GAK: variants seen among roughly 807,000 people sequenced by gnomAD.
The protein encoded by GAK is cyclin-G-associated kinase.
GAK carries 79 observed loss-of-function variants against 143.9 expected under a neutral mutation model. That is an observed-to-expected ratio of 0.55 (90% confidence interval 0.46 to 0.66). The LOEUF is 0.66. Ranked by LOEUF, GAK falls within the 30% of genes least tolerant of loss-of-function variation. GAK has a pLI of 0.00. For synonymous variants in GAK, 881 were observed against 765.5 expected, an observed-to-expected ratio of 1.15 and a Z score of -2.49; for missense variants, 1,693 against 1,779.7, an observed-to-expected ratio of 0.95 and a Z score of 0.88.
intron 5 of GAK, among the ~76,000 whole-genome samples, chr4:901,693 C>T (rs1719898125): frequency 6.6e-6 from 1 of 152,232 alleles, no homozygotes; most frequent in African/African-American, 2.4e-5. Flanking sequence ...AACACAGCTC[C>T]GTGCTCCACA....
intron 1 of GAK, among the ~76,000 whole-genome samples, chr4:924,276 G>A (rs1400175619): frequency 1.3e-5 from 2 of 151,700 alleles, no homozygotes; most frequent in African/African-American, 2.4e-5. Context: ...AAGAATGGAT[G>A]TAATCAAAAT....
At chr4:851,532 C>G (rs958378870) in intron 25 of GAK, 2 of 598,642 alleles carry the variant, frequency 3.3e-6, no homozygotes, top group East Asian at 5.6e-5. Context: ...TTGTTAAAAA[C>G]AGGTCAAGAA....
chr4:915,925 T>C (rs1441360758), intron 1 of GAK, among the ~76,000 whole-genome samples: 5 of 152,248 alleles, frequency 3.3e-5, no homozygotes, highest in African/African-American at 1.2e-4. Context: ...AAATTATTTT[T>C]ATCTGCAGGT....
intron 19 of GAK, 70 bp from the exon 20 acceptor site, chr4:868,755 C>T: frequency 6.8e-7 from 1 of 1,481,042 alleles, no homozygotes; most frequent in South Asian, 1.2e-5. Context: ...GACCCCAGAG[C>T]TGGGAAGTGC....
chr4:885,255 G>A (rs1393728851), intron 11 of GAK, among the ~76,000 whole-genome samples: 4 of 152,196 alleles, frequency 2.6e-5, no homozygotes, highest in Non-Finnish European at 5.9e-5. Flanking sequence ...ATGGCTACTG[G>A]ACCTATAATC....
chr4:917,142 C>CA (rs1723196879), intron 1 of GAK, among the ~76,000 whole-genome samples: 1 of 151,808 alleles, frequency 6.6e-6, no homozygotes. Context: ...ACGACCAGGC[C>CA]AAAAAAAGAG....
Position 911,793 on chromosome 4 carries a change from G to A in GAK, c.268-6C>T. 6.2e-7 allele frequency: 1 copy of A among 1,609,176 alleles called. No homozygotes were observed. Among genetic ancestry groups the A allele is most frequent in the Non-Finnish European group, 8.5e-7 (1 of 1,175,564 alleles). On this transcript the variant is annotated splice_polypyrimidine_tract_variant and splice_region_variant and intron_variant, in intron 3 of 27. Transcript: ENST00000314167. ...GGGTGGCCGGAAAGCTTTTTCTGCA[G>A]TTGTCTTGTTAAAGGAGAACGTACA... is the stretch of plus-strand genomic sequence containing the variant.
chr4:887,801 TCA>T (rs1241239562), intron 11 of GAK: 1 of 152,146 alleles, frequency 6.6e-6, no homozygotes, highest in African/African-American at 2.4e-5. Context: ...AGCACTCAGC[TCA>T]CACAAGGATT....
At chr4:907,442 G>A (rs1264662849) in intron 4 of GAK, among the ~76,000 whole-genome samples, 1 of 152,256 alleles carries the variant, frequency 6.6e-6, no homozygotes, top group Non-Finnish European at 1.5e-5. Context: ...ACCCGGGAGA[G>A]GCTGAGGCCA....
chr4:903,625 T>TGGGCC (rs1720424685), intron 5 of GAK, among the ~76,000 whole-genome samples: 1 of 146,856 alleles, frequency 6.8e-6, no homozygotes, highest in African/African-American at 2.6e-5. Context: ...ATGCGGGGCC[T>TGGGCC]GAACTGACAC....
intron 2 of GAK, 22 bp downstream of exon 2, chr4:913,585 A>T: frequency 6.3e-7 from 1 of 1,588,414 alleles, no homozygotes; most frequent in Non-Finnish European, 8.6e-7. Context: ...AAATCCAGAG[A>T]AGGCGTTAAA....
At chr4:880,571 T>G (rs982516084) in intron 15 of GAK, among the ~76,000 whole-genome samples, 1 of 152,158 alleles carries the variant, frequency 6.6e-6, no homozygotes, top group Non-Finnish European at 1.5e-5. Context: ...CTTCCAGTCC[T>G]GCAACCCTGA....
chr4:852,028 A>G (rs1748250883), intron 24 of GAK, 54 bp from the exon 25 acceptor site: 2 of 1,414,954 alleles, frequency 1.4e-6, no homozygotes, highest in Admixed American at 1.8e-5. Context: ...AGGGGCAACT[A>G]CTGTTTCTAT....
At chr4:908,040 C>G (rs1373411462) in intron 4 of GAK, among the ~76,000 whole-genome samples, 1 of 152,228 alleles carries the variant, frequency 6.6e-6, no homozygotes, top group Non-Finnish European at 1.5e-5. Context: ...GGACGCCGAG[C>G]AGCTTCAGTT....
chr4:931,867 C>T (rs1034402235), intron 1 of GAK, among the ~76,000 whole-genome samples, 176 bp downstream of exon 1: 10 of 152,322 alleles, frequency 6.6e-5, no homozygotes, highest in East Asian at 1.9e-4. Context: ...TGACCTTCGC[C>T]TGGCCCTGAC....
intron 18 of GAK, chr4:872,600 G>C (rs1161798867): frequency 6.6e-6 from 1 of 152,462 alleles, no homozygotes; most frequent in East Asian, 1.9e-4. Flanking sequence ...AGTGTGCAGG[G>C]AGCCAGGTCG....
At chr4:914,525 C>T (rs1374190385) in intron 1 of GAK, among the ~76,000 whole-genome samples, 4 of 88,388 alleles carry the variant, frequency 4.5e-5, no homozygotes, top group South Asian at 5.5e-4. Flanking sequence ...ACAGCCCCAG[C>T]GTGCACGGCC....
intron 1 of GAK, among the ~76,000 whole-genome samples, chr4:931,562 C>G (rs1266050963): frequency 6.6e-6 from 1 of 152,124 alleles, no homozygotes; most frequent in Admixed American, 6.5e-5. Context: ...CCCAGATGTC[C>G]GGCAAAAGGC....
At position 865,147 on chromosome 4, in the gene GAK, T is replaced by C; in HGVS notation, c.3141A>G (p.Ala1047=). 3.7e-6 allele frequency: 6 copies of C among 1,610,864 alleles called. No individual in the cohort carries two copies. Among genetic ancestry groups the C allele is most frequent in the Admixed American group, 1.7e-5 (1 of 59,984 alleles). ...WAAWTETAAS[A]VAPTPATEGP... Reference sequence around the variant, plus strand: ...CTTCTGTGGCTGGCGTGGGGGCCACTGCCGATGCTGCAGTCTCGGTCCAGG... The same window carrying C: ...CTTCTGTGGCTGGCGTGGGGGCCACCGCCGATGCTGCAGTCTCGGTCCAGG... Residue 1047 remains alanine, a synonymous_variant, in exon 23 of 28, where the codon GCA becomes GCG. Transcript: ENST00000314167.
Sources: gnomAD v4.1 joint callset for allele counts (sites outside exome capture counted in the v4.1 genomes callset) on GRCh38, gnomAD v4.1.1 for gene constraint, MANE v1.5 for transcripts, NCBI Gene and HGNC (gene_info 2026-07-23, HGNC 2026-07-21) for gene names.